Variants in FMNL3 observed in about 807,000 individuals in gnomAD.
FMNL3 encodes the protein formin-like protein 3.
Under a neutral mutation model 119.6 loss-of-function variants are expected in FMNL3, and 57 were observed. The observed-to-expected ratio is 0.48, with a 90% confidence interval of 0.39 to 0.59. FMNL3 has a LOEUF of 0.59. Among genes scored for constraint, FMNL3 ranks in the 20% least tolerant of loss-of-function variants. The pLI is 0.00. For synonymous variants in FMNL3, 491 were observed against 507.3 expected (o/e 0.97, Z 0.43); for missense variants, 1,053 against 1,323.5 (o/e 0.80, Z 3.17).
chr12:49,706,700 G>T (rs956057976), intron 1 of FMNL3, among the ~76,000 whole-genome samples: 2 of 152,218 alleles, frequency 1.3e-5, no homozygotes, highest in African/African-American at 4.8e-5. Context: ...CCCGCGAGAG[G>T]CTCCGGGCTG....
intron 6 of FMNL3, 146 bp downstream of exon 6, chr12:49,658,295 AC>A: frequency 2.5e-6 from 3 of 1,218,028 alleles, no homozygotes; most frequent in Non-Finnish European, 3.3e-6. Flanking sequence ...GAGAAGACAG[AC>A]CAGAGACAGA....
At chr12:49,656,560 T>G in intron 8 of FMNL3, 63 bp from the exon 9 acceptor site, 4 of 1,434,128 alleles carry the variant, frequency 2.8e-6, no homozygotes, top group Non-Finnish European at 3.9e-6. Flanking sequence ...CACAGCTCAT[T>G]TCCCTGACTG....
chr12:49,674,833 A>C (rs553968931), intron 1 of FMNL3, among the ~76,000 whole-genome samples: 10 of 152,308 alleles, frequency 6.6e-5, no homozygotes, highest in African/African-American at 2.2e-4. Flanking sequence ...GTTACGGGCC[A>C]AGTCCCTGAG....
chr12:49,665,809 G>A (rs374330674), intron 4 of FMNL3, 23 bp downstream of exon 4: 38 of 1,612,536 alleles, frequency 2.4e-5, no homozygotes, highest in Non-Finnish European at 3.0e-5. Flanking sequence ...AGATGAAGAG[G>A]CTATACGGCC....
chr12:49,686,578 CAAAA>C (rs746062262), intron 1 of FMNL3, among the ~76,000 whole-genome samples: 2 of 61,896 alleles, frequency 3.2e-5, no homozygotes, highest in African/African-American at 5.1e-5. Flanking sequence ...ACTTCATCTC[CAAAA>C]AAAAAAAAAA....
intron 1 of FMNL3, among the ~76,000 whole-genome samples, chr12:49,699,717 T>C (rs985458989): frequency 6.6e-5 from 10 of 152,162 alleles, no homozygotes; most frequent in African/African-American, 2.2e-4. Flanking sequence ...ATTTATTACA[T>C]AGACATATGT....
At chr12:49,693,641 T>G (rs1231394563) in intron 1 of FMNL3, among the ~76,000 whole-genome samples, 3 of 118,880 alleles carry the variant, frequency 2.5e-5, no homozygotes, top group Admixed American at 8.0e-5. Flanking sequence ...TCTTGGTTTT[T>G]TTTTTTTTTT....
chr12:49,689,857 CCTT>C (rs900274301), intron 1 of FMNL3, among the ~76,000 whole-genome samples: 3 of 152,214 alleles, frequency 2.0e-5, no homozygotes, highest in Admixed American at 6.5e-5. Flanking sequence ...CATTCCTCCT[CCTT>C]AATTCCCTCC....
Position 49,649,139 on chromosome 12 carries a change from G to A in FMNL3, c.2405C>T (p.Thr802Ile), listed in dbSNP as rs1284379606. The A allele has an allele frequency of 6.2e-7, 1 of 1,613,368 alleles. No individual in the cohort carries two copies. The highest frequency in any genetic ancestry group is 1.7e-4 in the Middle Eastern group (1 of 6,058). ...ATGAAGCAGTGTCATCTTCCGGTCAGTGGACTTGGTATCCAGCAGCTAGGA... is the reference window on the plus strand; with the variant it reads ...ATGAAGCAGTGTCATCTTCCGGTCAATGGACTTGGTATCCAGCAGCTAGGA... ...SLDLLLDTKS[T>I]DRKMTLLHFI... Residue 802 changes from threonine (T) to isoleucine (I), a missense_variant, in exon 21 of 26, where the codon ACT becomes ATT. Coordinates refer to ENST00000335154, the MANE Select transcript of FMNL3 (RefSeq NM_175736.5). The surrounding 1 kb of genome is among the most constrained non-coding windows in gnomAD (Gnocchi z 5.6).
chr12:49,673,199 A>C (rs1041847928), intron 1 of FMNL3, among the ~76,000 whole-genome samples: 3 of 152,156 alleles, frequency 2.0e-5, no homozygotes, highest in African/African-American at 4.8e-5. Flanking sequence ...CCACAGATTA[A>C]ATGAGTGCTG....
Position 49,644,072 on chromosome 12 carries a change from A to G in FMNL3, c.*1743T>C. ...CTTCCACGGCCCTTAGTGCAGGCTA[A>G]GGGTGAACTGTGCCTTTGCTCCAAC... is the stretch of plus-strand genomic sequence containing the variant. On this transcript the variant is annotated 3_prime_UTR_variant, in exon 26 of 26. Transcript: ENST00000335154. 6.2e-7 allele frequency: 1 copy of G among 1,614,204 alleles called. No homozygotes were observed. The highest frequency in any genetic ancestry group is 1.1e-5 in the South Asian group (1 of 91,086).
Position 49,648,271 on chromosome 12 carries a change from G to T in FMNL3, c.2598C>A (p.Asp866Glu). The T allele has an allele frequency of 1.2e-6, 2 of 1,614,042 alleles. No individual in the cohort carries two copies. The highest frequency in any genetic ancestry group is 1.7e-6 in the Non-Finnish European group (2 of 1,179,990). Residue 866 changes from aspartate to glutamate, a missense_variant, in exon 22 of 26, where the codon GAC becomes GAA. Physicochemically the swap from Asp to Glu is conservative, Grantham distance 45. Transcript: ENST00000335154. ...ELIRRECSIH[D>E]NSVLRNFLST... ...TGAGGAAGTTCCGGAGGACGCTGTT[G>T]TCATGGATGCTGCACTCACGCCGAA...
At position 49,647,038 on chromosome 12, in the gene FMNL3, A is replaced by C. The variant is rs1943222914; in HGVS notation, c.2872-29T>G. 6.2e-6 allele frequency: 10 copies of C among 1,613,760 alleles called. No individual in the cohort carries two copies. Among genetic ancestry groups the C allele is most frequent in the Non-Finnish European group, 8.5e-6 (10 of 1,179,802 alleles). ...GGGCCAAGAATGTGGAGGGGAAGGA[A>C]GTCATCACTAACCTAATGTGGGACT... On this transcript the variant is annotated intron_variant, in intron 24 of 25. Transcript: ENST00000335154. The surrounding 1 kb of genome is among the most constrained non-coding windows in gnomAD (Gnocchi z 4.9).
At chr12:49,698,169 A>G (rs938901985) in intron 1 of FMNL3, among the ~76,000 whole-genome samples, 1 of 152,208 alleles carries the variant, frequency 6.6e-6, no homozygotes, top group African/African-American at 2.4e-5. Flanking sequence ...TTGAGTAGAA[A>G]TGAGCAAACA....
intron 1 of FMNL3, among the ~76,000 whole-genome samples, chr12:49,685,463 A>AAATAAT (rs944332349): frequency 1.3e-5 from 2 of 151,920 alleles, no homozygotes; most frequent in African/African-American, 4.8e-5. Flanking sequence ...CTCTGTCTCA[A>AAATAAT]AATAATAATA....
intron 1 of FMNL3, among the ~76,000 whole-genome samples, chr12:49,669,701 G>A (rs753772021): frequency 2.6e-5 from 4 of 152,154 alleles, no homozygotes; most frequent in Middle Eastern, 3.4e-3. Flanking sequence ...GTGCAGTAGC[G>A]CACACCTGTA....
At chr12:49,664,367 T>C (rs1288526838) in intron 4 of FMNL3, among the ~76,000 whole-genome samples, 3 of 152,308 alleles carry the variant, frequency 2.0e-5, no homozygotes, top group Non-Finnish European at 4.4e-5. Flanking sequence ...ATCATGTCAC[T>C]GTACTTTATC....
intron 1 of FMNL3, among the ~76,000 whole-genome samples, chr12:49,698,525 A>C (rs6580720): frequency 0.014 from 2,089 of 144,820 alleles, 18 homozygotes; most frequent in East Asian, 0.04. Context: ...CCCCACCCCC[A>C]AAAAAAAAAA....
At chr12:49,704,545 T>C (rs1157994505) in intron 1 of FMNL3, among the ~76,000 whole-genome samples, 3 of 151,754 alleles carry the variant, frequency 2.0e-5, no homozygotes, top group African/African-American at 7.3e-5. Context: ...ACCCCATCTC[T>C]ACTAAAAACA....
Sources: allele counts gnomAD v4.1 joint callset (sites outside exome capture counted in the v4.1 genomes callset), GRCh38; gene constraint gnomAD v4.1.1; non-coding constraint Gnocchi (gnomAD v3.1); transcripts MANE v1.5; gene names NCBI Gene and HGNC (gene_info 2026-07-23, HGNC 2026-07-21).